CPVL: variants seen among roughly 807,000 people sequenced by gnomAD.
CPVL encodes the protein probable serine carboxypeptidase CPVL.
Under a neutral mutation model 63.7 loss-of-function variants are expected in CPVL, and 51 were observed. The observed-to-expected ratio is 0.80, with a 90% CI of 0.64 to 1.01. CPVL has a LOEUF of 1.01. Among genes scored for constraint, CPVL ranks in the 50% least tolerant of loss-of-function variants. The pLI, the probability that CPVL is intolerant of heterozygous loss-of-function variation, is 0.00. For missense variants in CPVL, 530 were observed against 573.1 expected, an observed-to-expected ratio of 0.92 and a Z score of 0.77; for synonymous variants, 195 against 206.0, an observed-to-expected ratio of 0.95 and a Z score of 0.46.
intron 12 of CPVL, among the ~76,000 whole-genome samples, chr7:29,027,815 G>C (rs1787646620): frequency 6.6e-6 from 1 of 152,184 alleles, no homozygotes; most frequent in South Asian, 2.1e-4. Context: ...AAATGCTGAT[G>C]TAAGAAGTTG....
chr7:29,162,169 G>A (rs1384442420), intron 5 of CPVL, among the ~76,000 whole-genome samples: 1 of 152,142 alleles, frequency 6.6e-6, no homozygotes, highest in African/African-American at 2.4e-5. Flanking sequence ...GTACCTCTGG[G>A]CATTTATCCT....
chr7:29,014,232 C>T (rs141723759), intron 12 of CPVL, among the ~76,000 whole-genome samples: 48 of 152,262 alleles, frequency 3.2e-4, no homozygotes, highest in African/African-American at 9.9e-4. Context: ...ACAAAGAACC[C>T]GTGAAAGAGG....
intron 5 of CPVL, among the ~76,000 whole-genome samples, chr7:29,159,327 A>C (rs370801445): frequency 6.6e-6 from 1 of 152,234 alleles, no homozygotes; most frequent in African/African-American, 2.4e-5. Flanking sequence ...AAGGGTTGAA[A>C]CCCAAATGCC....
chr7:29,097,870 C>T lies in CPVL; in HGVS notation c.289-1653G>A, dbSNP rs149242357. Among the ~76,000 whole-genome samples, 484 of 152,300 alleles carry T rather than the reference C, an allele frequency of 3.2e-3. 3 individuals are homozygous for T. The highest frequency in any genetic ancestry group is 0.011 in the African/African-American group (437 of 41,562). ...GGATCCAGCCAGGAGCAGAGCCAGACAGCAGAGCTGTGCACAAGGGAAATG... is the reference window on the plus strand; with the variant it reads ...GGATCCAGCCAGGAGCAGAGCCAGATAGCAGAGCTGTGCACAAGGGAAATG... On this transcript the variant is annotated intron_variant, in intron 3 of 12. Coordinates refer to ENST00000265394, the MANE Select transcript of CPVL (RefSeq NM_031311.5).
At position 29,146,430 on chromosome 7, in the gene CPVL, CG is replaced by C; in HGVS notation, c.-13del. The stretch of plus-strand genomic sequence containing the variant: ...CCACGCAGGGCAGGCGGCACTTACG[CG>C]GCGCAGTCGGTGCTCCTCCCTGAGC... On this transcript the variant is annotated splice_region_variant and 5_prime_UTR_variant, in exon 1 of 13. Transcript: ENST00000265394. 8.5e-7 allele frequency: 1 copy of C among 1,175,258 alleles called. No individual in the cohort carries two copies. The highest frequency in any genetic ancestry group is 1.7e-5 in the South Asian group (1 of 58,936). The allele number at this position is 1,175,258 out of a possible 1,614,324, so 72.8% of individuals were successfully genotyped here.
chr7:29,185,202 G>A (rs1440269185), intron 3 of CPVL, among the ~76,000 whole-genome samples: 1 of 152,184 alleles, frequency 6.6e-6, no homozygotes, highest in African/African-American at 2.4e-5. Context: ...ATTGAGAAAT[G>A]ATAGAGTAGA....
intron 1 of CPVL, among the ~76,000 whole-genome samples, chr7:29,130,166 G>C (rs989318968): frequency 1.3e-5 from 2 of 152,204 alleles, no homozygotes; most frequent in African/African-American, 4.8e-5. Context: ...TTGGAGATCA[G>C]GAAGACTATG....
chr7:29,016,165 A>G lies in CPVL; in HGVS notation c.1320+14412T>C, dbSNP rs189850277. The stretch of plus-strand genomic sequence containing the variant: ...CACGAGTTCGAGACCAGCTTGGCCA[A>G]TATGGTGAAACCCTGTCTCTACTAA... On this transcript the variant is annotated intron_variant, in intron 12 of 12. Coordinates refer to ENST00000265394, the MANE Select transcript of CPVL (RefSeq NM_031311.5). Among the ~76,000 whole-genome samples, 8 of 152,220 alleles carry G rather than the reference A, an allele frequency of 5.3e-5. No homozygotes were observed. In the East Asian group the frequency reaches 1.4e-3, roughly 26 times the overall value.
intron 12 of CPVL, among the ~76,000 whole-genome samples, chr7:29,016,020 C>A (rs1786369712): frequency 6.6e-6 from 1 of 152,158 alleles, no homozygotes; most frequent in South Asian, 2.1e-4. Context: ...CTTATCATCT[C>A]TTTTGACCTT....
intron 5 of CPVL, among the ~76,000 whole-genome samples, chr7:29,173,774 CAAA>C (rs764330313): frequency 2.5e-5 from 3 of 120,202 alleles, no homozygotes; most frequent in Admixed American, 8.5e-5. Context: ...CTGTCTCTAC[CAAA>C]AAAAAAAAAA....
At chr7:29,115,728 G>C (rs1403531249) in intron 2 of CPVL, among the ~76,000 whole-genome samples, 1 of 151,542 alleles carries the variant, frequency 6.6e-6, no homozygotes, top group Non-Finnish European at 1.5e-5. Context: ...GGGAAGAAGA[G>C]GATTTGAGAA....
chr7:29,179,479 C>A (rs1457396822), intron 5 of CPVL, among the ~76,000 whole-genome samples: 1 of 152,202 alleles, frequency 6.6e-6, no homozygotes, highest in Non-Finnish European at 1.5e-5. Context: ...GCTAGAAAAT[C>A]CAGGAACCCA....
intron 11 of CPVL, among the ~76,000 whole-genome samples, chr7:29,055,390 C>T (rs1030999623): frequency 2.0e-5 from 3 of 152,128 alleles, no homozygotes; most frequent in Admixed American, 2.0e-4. Context: ...GCTGGGATTA[C>T]AGGCGCCCGC....
intron 11 of CPVL, among the ~76,000 whole-genome samples, chr7:29,046,635 T>C (rs969668818): frequency 3.3e-5 from 5 of 152,090 alleles, no homozygotes; most frequent in Admixed American, 3.3e-4. Flanking sequence ...AAATGATTTT[T>C]TTTTTAAGCA....
intron 12 of CPVL, 64 bp downstream of exon 12, chr7:29,030,513 A>AG: frequency 6.7e-7 from 1 of 1,499,098 alleles, no homozygotes; most frequent in South Asian, 1.3e-5. Flanking sequence ...ATTGCTATTC[A>AG]GGCTTTATTT....
chr7:29,014,983 A>C lies in CPVL; in HGVS notation c.1320+15594T>G, dbSNP rs185292700. On this transcript the variant is annotated intron_variant, in intron 12 of 12. Transcript: ENST00000265394. Reference sequence around the variant, plus strand: ...CTGTCTGTCATTCCTTCTGTGGACTATCTGTGAAAATGTTCAAATCCTAGC... The same window carrying C: ...CTGTCTGTCATTCCTTCTGTGGACTCTCTGTGAAAATGTTCAAATCCTAGC... Among the ~76,000 whole-genome samples the C allele has an allele frequency of 1.7e-4, 26 of 152,350 alleles. No homozygotes were observed. In the East Asian group the frequency reaches 5.0e-3, roughly 29 times the overall value.
intron 6 of CPVL, among the ~76,000 whole-genome samples, chr7:29,091,819 G>C (rs2067018): frequency 0.12 from 17,645 of 152,150 alleles, 1,184 homozygotes; most frequent in East Asian, 0.31. Flanking sequence ...AAAGTAAAAC[G>C]GAAAGCTTTT....
chr7:29,098,837 CG>C (rs1481931852), intron 3 of CPVL, among the ~76,000 whole-genome samples: 1 of 151,874 alleles, frequency 6.6e-6, no homozygotes, highest in Non-Finnish European at 1.5e-5. Context: ...TCGAGGCGGG[CG>C]GATCACCAGA....
chr7:29,024,042 T>C (rs1175521005), intron 12 of CPVL, among the ~76,000 whole-genome samples: 3 of 152,148 alleles, frequency 2.0e-5, no homozygotes, highest in African/African-American at 7.2e-5. Context: ...ATAGTGTTAT[T>C]AAAGAAGCTT....
Sources: gnomAD v4.1 joint callset for allele counts (sites outside exome capture counted in the v4.1 genomes callset) on GRCh38, gnomAD v4.1.1 for gene constraint, MANE v1.5 for transcripts, NCBI Gene and HGNC (gene_info 2026-07-23, HGNC 2026-07-21) for gene names.